The following DCLK2 variants were observed in gnomAD, a reference collection of about 807,000 sequenced individuals.
DCLK2 encodes doublecortin like kinase 2, also known as serine/threonine-protein kinase DCLK2.
In DCLK2, 31 loss-of-function variants were observed where a neutral mutation model predicts 78.4. That is an observed-to-expected ratio of 0.40 (90% CI 0.30 to 0.53). DCLK2 has a LOEUF of 0.53. DCLK2 is among the 20% of genes least tolerant of loss of function. The pLI, the probability that DCLK2 is intolerant of heterozygous loss-of-function variation, is 0.61. For synonymous variants in DCLK2, 407 were observed against 374.9 expected, an observed-to-expected ratio of 1.09 and a Z score of -0.99; for missense variants, 872 against 973.7, an observed-to-expected ratio of 0.90 and a Z score of 1.39.
intron 2 of DCLK2, among the ~76,000 whole-genome samples, chr4:150,187,437 C>T (rs1251697271): frequency 6.6e-6 from 1 of 152,298 alleles, no homozygotes; most frequent in East Asian, 1.9e-4. Flanking sequence ...CTTTCCCTTA[C>T]AGATATTCAT....
At chr4:150,234,290 C>T (rs562890483) in intron 10 of DCLK2, among the ~76,000 whole-genome samples, 10 of 152,334 alleles carry the variant, frequency 6.6e-5, no homozygotes, top group African/African-American at 1.2e-4. Context: ...GCACTTGCTA[C>T]GGTGTTGTGA....
chr4:150,141,831 C>T (rs887952234), intron 2 of DCLK2, among the ~76,000 whole-genome samples: 1 of 152,032 alleles, frequency 6.6e-6, no homozygotes, highest in African/African-American at 2.4e-5. Context: ...CTTTGTTTTC[C>T]AAGACAAGGA....
At chr4:150,137,184 T>C (rs1369498055) in intron 2 of DCLK2, among the ~76,000 whole-genome samples, 1 of 152,068 alleles carries the variant, frequency 6.6e-6, no homozygotes, top group Non-Finnish European at 1.5e-5. Context: ...GCAGCTCTGC[T>C]GTTCTCAGCT....
intron 2 of DCLK2, among the ~76,000 whole-genome samples, chr4:150,149,457 G>GCGT (rs780554439): frequency 6.6e-6 from 1 of 152,144 alleles, no homozygotes; most frequent in South Asian, 2.1e-4. Context: ...TGAGTCCTGG[G>GCGT]CATCCAGTGT....
intron 15 of DCLK2, among the ~76,000 whole-genome samples, chr4:150,252,104 G>C (rs1245161515): frequency 6.6e-6 from 1 of 152,176 alleles, no homozygotes; most frequent in Non-Finnish European, 1.5e-5. Flanking sequence ...GAAAGTCAGA[G>C]TTGTCAAAGA....
chr4:150,188,143 A>G (rs1192071711), intron 2 of DCLK2, among the ~76,000 whole-genome samples: 1 of 152,174 alleles, frequency 6.6e-6, no homozygotes, highest in Non-Finnish European at 1.5e-5. Flanking sequence ...TTTCTTTGCC[A>G]GTAGCAGTGA....
intron 3 of DCLK2, among the ~76,000 whole-genome samples, chr4:150,196,499 T>G (rs7658837): frequency 0.88 from 133,518 of 152,192 alleles, 58,951 homozygotes; most frequent in Middle Eastern, 0.96. Context: ...GTACTTCACT[T>G]GTCAGTTTAC....
chr4:150,152,488 G>T (rs2150230901), intron 2 of DCLK2, among the ~76,000 whole-genome samples: 1 of 152,236 alleles, frequency 6.6e-6, no homozygotes, highest in Admixed American at 6.5e-5. Context: ...CACCATGTTG[G>T]CCAGGCTGGT....
At chr4:150,098,698 C>CT (rs59616581) in intron 1 of DCLK2, among the ~76,000 whole-genome samples, 42,554 of 128,966 alleles carry the variant, frequency 0.33, 7,141 homozygotes, top group East Asian at 0.42. Context: ...TTTTCTTTTT[C>CT]TTTTTTTTTT....
At position 150,083,513 on chromosome 4, in the gene DCLK2, C is replaced by G. The variant is rs114748887; in HGVS notation, c.421+4065C>G. Among the ~76,000 whole-genome samples the G allele has an allele frequency of 5.3e-3, 807 of 152,256 alleles. 3 individuals are homozygous for G. Among genetic ancestry groups the G allele is most frequent in the Non-Finnish European group, 8.6e-3 (586 of 68,018 alleles). ...CCGCATCTGTTTGGTTAGGTCAGTTCTTTGAAAGTGTTAAATAAACCAAAA... is the reference window on the plus strand; with the variant it reads ...CCGCATCTGTTTGGTTAGGTCAGTTGTTTGAAAGTGTTAAATAAACCAAAA... On this transcript the variant is annotated intron_variant, in intron 1 of 15. Coordinates refer to ENST00000296550, the MANE Select transcript of DCLK2 (RefSeq NM_001040260.4).
intron 12 of DCLK2, among the ~76,000 whole-genome samples, chr4:150,246,322 C>T (rs933520134): frequency 6.6e-6 from 1 of 152,200 alleles, no homozygotes; most frequent in African/African-American, 2.4e-5. Flanking sequence ...GTTGGGATTA[C>T]AGGCATGAGC....
chr4:150,152,289 T>G (rs183127878), intron 2 of DCLK2, among the ~76,000 whole-genome samples: 2 of 152,152 alleles, frequency 1.3e-5, no homozygotes, highest in East Asian at 3.8e-4. Context: ...ATTGATTGAT[T>G]TTTTATTTTT....
At chr4:150,184,836 C>A (rs1231653423) in intron 2 of DCLK2, among the ~76,000 whole-genome samples, 2 of 152,042 alleles carry the variant, frequency 1.3e-5, no homozygotes, top group African/African-American at 2.4e-5. Flanking sequence ...CTCCTGACCT[C>A]ATGATCCGCC....
intron 2 of DCLK2, among the ~76,000 whole-genome samples, chr4:150,123,663 G>A (rs932847671): frequency 3.9e-5 from 6 of 152,198 alleles, no homozygotes; most frequent in African/African-American, 1.4e-4. Flanking sequence ...AAAAAGCTCA[G>A]TGTCTGTGAA....
chr4:150,194,226 A>G (rs974652497), intron 3 of DCLK2, among the ~76,000 whole-genome samples: 1 of 152,132 alleles, frequency 6.6e-6, no homozygotes, highest in Non-Finnish European at 1.5e-5. Flanking sequence ...ACGGTTGCCT[A>G]CAGTATTTGG....
intron 2 of DCLK2, among the ~76,000 whole-genome samples, chr4:150,153,103 A>C (rs192777898): frequency 1.3e-5 from 2 of 152,334 alleles, no homozygotes; most frequent in Non-Finnish European, 1.5e-5. Flanking sequence ...GTCTAAGCAA[A>C]GGCATAGAAG....
rs1741381117 is a variant in DCLK2, at chr4:150,223,770, T to TAAATAAAG, written c.1242-725_1242-724insAGAAATAA. Among the ~76,000 whole-genome samples the TAAATAAAG allele has an allele frequency of 2.0e-5, 3 of 151,676 alleles. 1 individual carries two copies. The South Asian group carries it at 6.3e-4, about 32-fold the overall frequency. Reference sequence around the variant, plus strand: ...ATAAATAAATAAATAAATAAATAAATAAATAACATCAAGATTCTTATATCC... The same window carrying TAAATAAAG: ...ATAAATAAATAAATAAATAAATAAATAAATAAAGAAATAACATCAAGATTCTTATATCC... On this transcript the variant is annotated intron_variant, in intron 7 of 15. Coordinates refer to ENST00000296550, the MANE Select transcript of DCLK2 (RefSeq NM_001040260.4).
At chr4:150,198,927 C>G in intron 4 of DCLK2, 48 of 303,260 alleles carry the variant, frequency 1.6e-4, no homozygotes, top group East Asian at 2.8e-4. Flanking sequence ...CCCCCACTTT[C>G]TGTAGGGCAG....
intron 5 of DCLK2, among the ~76,000 whole-genome samples, chr4:150,205,698 A>G (rs1411497405): frequency 6.6e-6 from 1 of 152,252 alleles, no homozygotes; most frequent in Non-Finnish European, 1.5e-5. Context: ...TGTTATTAAT[A>G]GAAGTAACTT....
Sources: allele counts gnomAD v4.1 joint callset (sites outside exome capture counted in the v4.1 genomes callset), GRCh38; gene constraint gnomAD v4.1.1; transcripts MANE v1.5; gene names NCBI Gene and HGNC (gene_info 2026-07-23, HGNC 2026-07-21).